ARHGAP29: variants seen among roughly 807,000 people sequenced by gnomAD.
The protein encoded by ARHGAP29 is Rho GTPase activating protein 29.
ARHGAP29 carries 43 observed loss-of-function variants against 122.6 expected under a neutral mutation model. That is an observed-to-expected ratio of 0.35 (90% CI 0.27 to 0.45). The LOEUF is 0.45. Ranked by LOEUF, ARHGAP29 falls within the 20% of genes least tolerant of loss-of-function variation. The pLI is 1.00. For synonymous variants in ARHGAP29, 506 were observed against 497.1 expected (o/e 1.02, Z -0.24); for missense variants, 1,303 against 1,477.2 (o/e 0.88, Z 1.93).
At chr1:94,299,368 C>G in the ARHGAP29 span, among the ~76,000 whole-genome samples, 7,690 of 152,124 alleles carry the variant, frequency 0.051, 661 homozygotes, top group African/African-American at 0.18. Flanking sequence ...ATTTGAAATA[C>G]AAGGCTTTTT....
rs2101275092 is a variant in ARHGAP29 at position 94,169,406 on chromosome 1, A to G, written c.*4463T>C. 6.6e-6 allele frequency among the ~76,000 whole-genome samples: 1 copy of G among 152,218 alleles called. No homozygotes were observed. Among genetic ancestry groups the G allele is most frequent in the East Asian group, 1.9e-4 (1 of 5,172 alleles). On this transcript the variant is annotated 3_prime_UTR_variant, in exon 23 of 23. Transcript: ENST00000260526. Reference sequence around the variant, plus strand: ...CATATTTGGGACTGGGTGTGATGAGACAGCAGCTGGCATGTCAAGAGGTTG... The same window carrying G: ...CATATTTGGGACTGGGTGTGATGAGGCAGCAGCTGGCATGTCAAGAGGTTG...
chr1:94,289,463 C>T, the ARHGAP29 span, among the ~76,000 whole-genome samples: 2 of 152,326 alleles, frequency 1.3e-5, no homozygotes, highest in South Asian at 4.1e-4. Flanking sequence ...TTCCTCTTTT[C>T]CTAATTGAAT....
Position 94,203,853 on chromosome 1 carries a change from A to G in ARHGAP29, c.762+77T>C. 5.6e-6 allele frequency: 7 copies of G among 1,246,600 alleles called. No homozygotes were observed. In the South Asian group the frequency reaches 7.6e-5, roughly 14 times the overall value. The allele number at this position is 1,246,600 out of a possible 1,614,324, so 77.2% of individuals were successfully genotyped here. A position where few individuals can be genotyped will look rare whatever the true frequency, so the allele number is the denominator to read the frequency against. On this transcript the variant is annotated intron_variant, in intron 8 of 22. Coordinates refer to ENST00000260526, the MANE Select transcript of ARHGAP29 (RefSeq NM_004815.4). ...AGTGCTTTCCTATATTAACTGAAAT[A>G]TTCTGATTTTGCAAATTATTGGGAG...
At chr1:94,287,821 G>A in the ARHGAP29 span, among the ~76,000 whole-genome samples, 1 of 151,020 alleles carries the variant, frequency 6.6e-6, no homozygotes, top group African/African-American at 2.5e-5. Flanking sequence ...TCCCTGCAAA[G>A]GACATGAACT....
chr1:94,283,477 A>AT, the ARHGAP29 span, among the ~76,000 whole-genome samples: 1 of 152,204 alleles, frequency 6.6e-6, no homozygotes, highest in Admixed American at 6.5e-5. Flanking sequence ...TTCAATAATT[A>AT]TTTTTTAAAA....
At chr1:94,286,189 T>C in the ARHGAP29 span, among the ~76,000 whole-genome samples, 1 of 152,182 alleles carries the variant, frequency 6.6e-6, no homozygotes, top group Non-Finnish European at 1.5e-5. Flanking sequence ...TGTCCTCACA[T>C]GGCAGAGAAA....
rs1652917051 is a variant in ARHGAP29, at chr1:94,231,505, G to A, written c.107C>T (p.Ser36Phe). 2.5e-6 allele frequency: 4 copies of A among 1,613,660 alleles called. No homozygotes were observed. In the Admixed American group the frequency reaches 5.0e-5, roughly 20 times the overall value. The change falls in exon 2 of 23, where the codon TCC becomes TTC. Residue 36 changes from serine (S) to phenylalanine (F), a missense_variant. This residue lies in a region of ARHGAP29 where 592 missense variants were observed against 648.2 expected (regional missense o/e 0.91). Transcript: ENST00000260526. Reference protein sequence around the residue: ...TSEMGLKSLSSNSIFDPDYIK... With the variant: ...TSEMGLKSLSFNSIFDPDYIK... Reference sequence around the variant, plus strand: ...GTAATCCGGATCAAAAATAGAGTTGGAACTTAAGGACTTGAGCCCCATTTC... The same window carrying A: ...GTAATCCGGATCAAAAATAGAGTTGAAACTTAAGGACTTGAGCCCCATTTC...
the ARHGAP29 span, among the ~76,000 whole-genome samples, chr1:94,301,804 A>G: frequency 1.3e-5 from 2 of 152,148 alleles, no homozygotes; most frequent in Non-Finnish European, 2.9e-5. Flanking sequence ...ATGAGGCTGC[A>G]CTGTGGAATC....
intron 1 of ARHGAP29, 32 bp downstream of exon 1, chr1:94,237,383 G>C (rs1464794310): frequency 1.0e-6 from 1 of 984,640 alleles, no homozygotes; most frequent in Non-Finnish European, 1.2e-6. Context: ...CGACCGCCGC[G>C]GCCGGAGCAA....
At chr1:94,185,088 G>C in intron 17 of ARHGAP29, 28 bp from the exon 18 acceptor site, 1 of 1,584,520 alleles carries the variant, frequency 6.3e-7, no homozygotes, top group Non-Finnish European at 8.6e-7. Context: ...TTTGAAACTG[G>C]TTAACCTTAA....
At chr1:94,304,773 G>A in the ARHGAP29 span, among the ~76,000 whole-genome samples, 1 of 152,138 alleles carries the variant, frequency 6.6e-6, no homozygotes, top group South Asian at 2.1e-4. Flanking sequence ...GTCATGATTT[G>A]GATTTAAGAA....
chr1:94,295,953 G>A, the ARHGAP29 span, among the ~76,000 whole-genome samples: 7 of 152,130 alleles, frequency 4.6e-5, no homozygotes, highest in African/African-American at 1.7e-4. Flanking sequence ...CTGGAAGAAG[G>A]CTGTCTTGAG....
upstream of ARHGAP29, among the ~76,000 whole-genome samples, chr1:94,276,118 C>T (rs190445852): frequency 2.0e-5 from 3 of 152,004 alleles, no homozygotes; most frequent in South Asian, 2.1e-4. Flanking sequence ...ATTCACTGGG[C>T]GTGGTGGGGC....
the ARHGAP29 span, among the ~76,000 whole-genome samples, chr1:94,297,841 G>A: frequency 1.3e-5 from 2 of 152,136 alleles, no homozygotes; most frequent in Non-Finnish European, 2.9e-5. Flanking sequence ...GCCTAAGGAT[G>A]TGATGACCAC....
intron 2 of ARHGAP29, 128 bp downstream of exon 2, chr1:94,231,279 G>GA (rs1652905216): frequency 2.8e-6 from 2 of 725,596 alleles, no homozygotes; most frequent in Admixed American, 2.9e-5. Context: ...AAGATTTGGG[G>GA]AAAAAAGCAC....
the ARHGAP29 span, among the ~76,000 whole-genome samples, chr1:94,305,868 T>G: frequency 6.6e-6 from 1 of 152,310 alleles, no homozygotes; most frequent in African/African-American, 2.4e-5. Flanking sequence ...TGGTTAATCA[T>G]ACATATGATA....
intron 1 of ARHGAP29, among the ~76,000 whole-genome samples, chr1:94,246,867 A>G (rs988555593): frequency 6.6e-5 from 10 of 151,086 alleles, no homozygotes; most frequent in Admixed American, 4.6e-4. Flanking sequence ...CCCTAGAGCC[A>G]TGGCTGGGAA....
At chr1:94,303,216 G>A in the ARHGAP29 span, among the ~76,000 whole-genome samples, 3 of 152,064 alleles carry the variant, frequency 2.0e-5, no homozygotes, top group African/African-American at 7.2e-5. Context: ...ATAAATTCCC[G>A]TGTACCCAGC....
rs187097960 is a variant in ARHGAP29 at position 94,182,284 on chromosome 1, A to G, written c.2247+1867T>C. ...AAAGTGTTGTAAGAAAACAAAAAAA[A>G]AGAAATGAATGATAGAGAAAAGATA... On this transcript the variant is annotated intron_variant, in intron 19 of 22. Coordinates refer to ENST00000260526, the MANE Select transcript of ARHGAP29 (RefSeq NM_004815.4). Among the ~76,000 whole-genome samples, 301 of 152,208 alleles carry G rather than the reference A, an allele frequency of 2.0e-3. 2 individuals carry two copies. The highest frequency in any genetic ancestry group is 7.0e-3 in the African/African-American group (290 of 41,568).
Sources: gnomAD v4.1 joint callset for allele counts (sites outside exome capture counted in the v4.1 genomes callset) on GRCh38, gnomAD v4.1.1 for gene constraint, gnomAD v4.1.1 regional missense constraint, MANE v1.5 for transcripts, NCBI Gene and HGNC (gene_info 2026-07-23, HGNC 2026-07-21) for gene names.